Variants in PHLPP2 observed in about 807,000 individuals in gnomAD.
PHLPP2 encodes PH domain leucine-rich repeat-containing protein phosphatase 2.
Under a neutral mutation model 124.9 loss-of-function variants are expected in PHLPP2, and 66 were observed. The observed-to-expected ratio is 0.53, with a 90% CI of 0.43 to 0.65. PHLPP2 has a LOEUF of 0.65. PHLPP2 is among the 30% of genes least tolerant of loss of function. The pLI is 0.00. For missense variants in PHLPP2, 1,685 were observed against 1,600.4 expected, an observed-to-expected ratio of 1.05 and a Z score of -0.90; for synonymous variants, 681 against 624.7, an observed-to-expected ratio of 1.09 and a Z score of -1.34.
chr16:71,674,410 A>G (rs1183306889), intron 9 of PHLPP2, among the ~76,000 whole-genome samples: 1 of 151,720 alleles, frequency 6.6e-6, no homozygotes, highest in Admixed American at 6.6e-5. Context: ...AAGAATTAAA[A>G]TACCACACAT....
chr16:71,660,034 TA>T (rs1193536056), intron 13 of PHLPP2, among the ~76,000 whole-genome samples: 7 of 152,014 alleles, frequency 4.6e-5, no homozygotes, highest in African/African-American at 7.2e-5. Flanking sequence ...AAATTACAAT[TA>T]TTTTTTCTGA....
intron 4 of PHLPP2, 84 bp from the exon 5 acceptor site, chr16:71,684,685 A>G (rs2045036935): frequency 2.3e-6 from 3 of 1,295,122 alleles, no homozygotes; most frequent in African/African-American, 1.5e-5. Flanking sequence ...AAGACGAACA[A>G]CTGAATTTTT....
At chr16:71,723,884 A>C in intron 1 of PHLPP2, 1 of 1,066,698 alleles carries the variant, frequency 9.4e-7, no homozygotes, top group Non-Finnish European at 1.2e-6. Flanking sequence ...CCCAGGATTC[A>C]CAGAGACGCC....
At chr16:71,672,371 TAACTGAGAGCTGAC>T (rs1205197200) in intron 9 of PHLPP2, 49 bp from the exon 10 acceptor site, 1 of 1,312,530 alleles carries the variant, frequency 7.6e-7, no homozygotes, top group Admixed American at 1.7e-5. Context: ...AAAAAGAAAG[TAACTGAGAGCTGAC>T]AATGGAAAAG....
chr16:71,690,054 T>C (rs1438768125), intron 4 of PHLPP2, among the ~76,000 whole-genome samples: 1 of 152,286 alleles, frequency 6.6e-6, no homozygotes, highest in Admixed American at 6.5e-5. Flanking sequence ...GACTAACAAG[T>C]GAACTCCTTT....
intron 2 of PHLPP2, among the ~76,000 whole-genome samples, chr16:71,710,155 C>G (rs763944564): frequency 6.6e-6 from 1 of 152,108 alleles, no homozygotes; most frequent in Admixed American, 6.6e-5. Context: ...GGCACACACA[C>G]ATTTCAATAA....
intron 5 of PHLPP2, among the ~76,000 whole-genome samples, chr16:71,682,848 GA>G (rs1402874904): frequency 6.6e-6 from 1 of 152,066 alleles, no homozygotes; most frequent in East Asian, 1.9e-4. Flanking sequence ...TATAAAAATT[GA>G]TCTAAAAAAA....
At chr16:71,719,677 G>A (rs1228510501) in intron 1 of PHLPP2, among the ~76,000 whole-genome samples, 1 of 150,458 alleles carries the variant, frequency 6.6e-6, no homozygotes, top group Non-Finnish European at 1.5e-5. Flanking sequence ...TCTTCTATAA[G>A]CTATGGGCCT....
At chr16:71,685,746 A>G (rs2045049136) in intron 4 of PHLPP2, among the ~76,000 whole-genome samples, 1 of 152,202 alleles carries the variant, frequency 6.6e-6, no homozygotes. Flanking sequence ...AATGCTTGAC[A>G]TTGAAAAGTA....
chr16:71,716,899 A>G (rs574719156), intron 1 of PHLPP2, among the ~76,000 whole-genome samples: 32 of 152,308 alleles, frequency 2.1e-4, no homozygotes, highest in South Asian at 6.2e-4. Context: ...CCTTGAGTAC[A>G]CCTCTAATAC....
intron 1 of PHLPP2, among the ~76,000 whole-genome samples, chr16:71,716,572 C>T (rs1309817883): frequency 2.0e-5 from 3 of 152,020 alleles, no homozygotes; most frequent in Non-Finnish European, 2.9e-5. Context: ...AAGAAATTTC[C>T]ACTGACATTT....
Position 71,698,005 on chromosome 16 carries a change from G to T in PHLPP2, c.418+4593C>A, listed in dbSNP as rs552648349. On this transcript the variant is annotated intron_variant, in intron 3 of 18. Transcript: ENST00000568954. Reference sequence around the variant, plus strand: ...TGGGACTACAGGCACCCGCCACCACGTCCAGCTAATTTTTTGTATTTTTAG... The same window carrying T: ...TGGGACTACAGGCACCCGCCACCACTTCCAGCTAATTTTTTGTATTTTTAG... Among the ~76,000 whole-genome samples the T allele has an allele frequency of 5.3e-5, 8 of 151,984 alleles. No individual in the cohort carries two copies. In the South Asian group the frequency reaches 1.7e-3, roughly 32 times the overall value.
At chr16:71,656,715 T>C (rs1238338268) in intron 15 of PHLPP2, 34 bp from the exon 16 acceptor site, 13 of 1,249,162 alleles carry the variant, frequency 1.0e-5, no homozygotes, top group Non-Finnish European at 1.5e-5. Flanking sequence ...AACCATATAT[T>C]CTTCTGTATT....
At chr16:71,688,005 G>A (rs2045069898) in intron 4 of PHLPP2, among the ~76,000 whole-genome samples, 1 of 152,104 alleles carries the variant, frequency 6.6e-6, no homozygotes, top group South Asian at 2.1e-4. Context: ...AGCTCCATAG[G>A]CCAGCAAGGA....
intron 4 of PHLPP2, among the ~76,000 whole-genome samples, chr16:71,689,566 A>T (rs28678654): frequency 6.6e-6 from 1 of 150,788 alleles, no homozygotes; most frequent in Non-Finnish European, 1.5e-5. Flanking sequence ...CTAATTTTTT[A>T]AAATTATTTT....
intron 10 of PHLPP2, among the ~76,000 whole-genome samples, chr16:71,671,657 G>A (rs1366156561): frequency 6.6e-6 from 1 of 152,000 alleles, no homozygotes; most frequent in Non-Finnish European, 1.5e-5. Flanking sequence ...GCTCACGCCT[G>A]TAATCCCAGC....
chr16:71,681,058 A>C (rs1344535686), intron 6 of PHLPP2, among the ~76,000 whole-genome samples: 1 of 152,220 alleles, frequency 6.6e-6, no homozygotes, highest in Non-Finnish European at 1.5e-5. Flanking sequence ...ATGTCATTTT[A>C]ATGTATATTA....
At chr16:71,712,664 T>TGAAATGTAGTGAACAAGG (rs2045331692) in intron 2 of PHLPP2, among the ~76,000 whole-genome samples, 1 of 152,226 alleles carries the variant, frequency 6.6e-6, no homozygotes. Context: ...GCAAATGTAG[T>TGAAATGTAGTGAACAAGG]AAACTGGTGA....
intron 18 of PHLPP2, among the ~76,000 whole-genome samples, chr16:71,651,439 C>T (rs994126566): frequency 6.6e-6 from 1 of 152,078 alleles, no homozygotes; most frequent in Admixed American, 6.5e-5. Context: ...TGGCATGTGC[C>T]TATAGTCCCA....
Sources: allele counts gnomAD v4.1 joint callset (sites outside exome capture counted in the v4.1 genomes callset), GRCh38; gene constraint gnomAD v4.1.1; transcripts MANE v1.5; gene names NCBI Gene and HGNC (gene_info 2026-07-23, HGNC 2026-07-21).